Variants in NDUFS4 observed in about 807,000 individuals in gnomAD.
The protein encoded by NDUFS4 is NADH:ubiquinone oxidoreductase subunit S4, also known as NADH dehydrogenase [ubiquinone] iron-sulfur protein 4, mitochondrial.
In NDUFS4, 28 loss-of-function variants were observed where a neutral mutation model predicts 24.3. The observed-to-expected ratio is 1.15, with a 90% CI of 0.85 to 1.58. The LOEUF is 1.58. Ranked by LOEUF, NDUFS4 falls within the 40% of genes most tolerant of loss-of-function variation. The probability of loss-of-function intolerance (pLI) is 0.00; values close to 1 mark genes in which losing one functional copy is unlikely to be tolerated. For missense variants in NDUFS4, 223 were observed against 207.9 expected, an observed-to-expected ratio of 1.07 and a Z score of -0.45; for synonymous variants, 93 against 69.7, an observed-to-expected ratio of 1.34 and a Z score of -1.67.
At chr5:53,562,875 G>T (rs1444811855) in intron 1 of NDUFS4, among the ~76,000 whole-genome samples, 1 of 152,060 alleles carries the variant, frequency 6.6e-6, no homozygotes, top group Non-Finnish European at 1.5e-5. Context: ...TAACATTTCA[G>T]ATCATTTGAA....
In NDUFS4 at chr5:53,683,115, T is replaced by C; in HGVS notation, c.425-3T>C. On this transcript the variant is annotated splice_polypyrimidine_tract_variant and splice_region_variant and intron_variant, in intron 4 of 4. Coordinates refer to ENST00000296684, the MANE Select transcript of NDUFS4 (RefSeq NM_002495.4). ...TGGATTTGTCTTTGTTTTTTCCTCC[T>C]AGGATGGAGCTATGACATTGAAGAG... 6.3e-7 allele frequency: 1 copy of C among 1,581,342 alleles called. No homozygotes were observed. Among genetic ancestry groups the C allele is most frequent in the Non-Finnish European group, 8.7e-7 (1 of 1,150,554 alleles).
intron 2 of NDUFS4, among the ~76,000 whole-genome samples, chr5:53,629,506 G>T (rs913253118): frequency 6.6e-6 from 1 of 152,098 alleles, no homozygotes; most frequent in Non-Finnish European, 1.5e-5. Flanking sequence ...GTTATTGTGT[G>T]GGAGGCTAAG....
intron 2 of NDUFS4, chr5:53,604,867 C>G (rs1387517055): frequency 2.2e-6 from 1 of 456,300 alleles, no homozygotes; most frequent in South Asian, 1.5e-5. Flanking sequence ...AGGACTTCAT[C>G]CGGTCACCAT....
chr5:53,564,625 A>G (rs1256081719), intron 1 of NDUFS4, among the ~76,000 whole-genome samples: 1 of 151,996 alleles, frequency 6.6e-6, no homozygotes, highest in Non-Finnish European at 1.5e-5. Flanking sequence ...TGCAACCTCC[A>G]CCCTCTGGGC....
chr5:53,681,540 G>A (rs777867265), intron 4 of NDUFS4, among the ~76,000 whole-genome samples: 9 of 152,060 alleles, frequency 5.9e-5, no homozygotes, highest in Non-Finnish European at 1.3e-4. Context: ...GTTAATGTAC[G>A]TACTTTGTAA....
At chr5:53,580,291 G>A (rs2112426299) in intron 1 of NDUFS4, among the ~76,000 whole-genome samples, 1 of 152,286 alleles carries the variant, frequency 6.6e-6, no homozygotes. Flanking sequence ...AAAAATGCAA[G>A]TTAATACTCT....
chr5:53,561,463 T>A (rs1378649724), intron 1 of NDUFS4, among the ~76,000 whole-genome samples: 2 of 152,030 alleles, frequency 1.3e-5, no homozygotes, highest in East Asian at 3.9e-4. Flanking sequence ...CAGATTCAGT[T>A]GTCAGTTGAT....
chr5:53,644,776 A>G (rs1053308506), intron 2 of NDUFS4, among the ~76,000 whole-genome samples: 1 of 152,128 alleles, frequency 6.6e-6, no homozygotes, highest in Non-Finnish European at 1.5e-5. Flanking sequence ...GATAATTTTG[A>G]TAGTTTCTGT....
intron 1 of NDUFS4, among the ~76,000 whole-genome samples, chr5:53,581,204 T>G (rs1435555622): frequency 6.6e-6 from 1 of 152,162 alleles, no homozygotes; most frequent in Non-Finnish European, 1.5e-5. Flanking sequence ...CTGTGTATTA[T>G]TCTTCTCTCC....
rs538951212 is a variant in NDUFS4, at chr5:53,624,815, T to C, written c.177+21285T>C. On this transcript the variant is annotated intron_variant, in intron 2 of 4. Coordinates refer to ENST00000296684, the MANE Select transcript of NDUFS4 (RefSeq NM_002495.4). The stretch of plus-strand genomic sequence containing the variant: ...ACAAGTTTGGATGGCTTTTATTTCT[T>C]TTTCTTGTCCAATTGCTCTGGCTAG... 2.0e-4 allele frequency among the ~76,000 whole-genome samples: 30 copies of C among 152,180 alleles called. 1 individual carries two copies. The highest frequency in any genetic ancestry group is 1.2e-3 in the Admixed American group (19 of 15,274).
intron 4 of NDUFS4, among the ~76,000 whole-genome samples, chr5:53,664,763 G>A (rs905506486): frequency 6.6e-6 from 1 of 151,968 alleles, no homozygotes; most frequent in Admixed American, 6.6e-5. Flanking sequence ...TAACTTCTTT[G>A]CCATGGTTTC....
intron 2 of NDUFS4, among the ~76,000 whole-genome samples, chr5:53,635,072 C>A (rs1178106559): frequency 6.6e-6 from 1 of 151,756 alleles, no homozygotes; most frequent in Non-Finnish European, 1.5e-5. Flanking sequence ...CACCTGTAAT[C>A]CCAGCTACTT....
At position 53,664,382 on chromosome 5, in the gene NDUFS4, TGC is replaced by T. The variant is rs533905591; in HGVS notation, c.424+5759_424+5760del. Among the ~76,000 whole-genome samples the T allele has an allele frequency of 3.0e-3, 453 of 152,316 alleles. 1 individual carries two copies. Among genetic ancestry groups the T allele is most frequent in the African/African-American group, 0.011 (437 of 41,572 alleles). On this transcript the variant is annotated intron_variant, in intron 4 of 4. Coordinates refer to ENST00000296684, the MANE Select transcript of NDUFS4 (RefSeq NM_002495.4). The stretch of plus-strand genomic sequence containing the variant: ...CCTGCATTTGAATATTGGCCTGCTT[TGC>T]TAGATTGGGGAAGTTCTCCTGGATA...
chr5:53,617,883 C>T (rs1175282795), intron 2 of NDUFS4, among the ~76,000 whole-genome samples: 3 of 152,026 alleles, frequency 2.0e-5, no homozygotes, highest in Non-Finnish European at 2.9e-5. Context: ...AGCTGTATAA[C>T]CTGAAGCAAG....
chr5:53,658,281 GTTT>G (rs969622444), intron 3 of NDUFS4, among the ~76,000 whole-genome samples: 1 of 151,948 alleles, frequency 6.6e-6, no homozygotes, highest in Admixed American at 6.6e-5. Flanking sequence ...ATCTCAAATT[GTTT>G]TTTTAGAGTG....
chr5:53,578,774 T>C (rs1363030670), intron 1 of NDUFS4, among the ~76,000 whole-genome samples: 1 of 152,212 alleles, frequency 6.6e-6, no homozygotes, highest in Non-Finnish European at 1.5e-5. Flanking sequence ...CTTCTTTTCC[T>C]TTTTGCTTCT....
At position 53,683,127 on chromosome 5, in the gene NDUFS4, A is replaced by G. The variant is rs1561407577; in HGVS notation, c.434A>G (p.Tyr145Cys). The G allele has an allele frequency of 1.2e-6, 2 of 1,600,216 alleles. No homozygotes were observed. The highest frequency in any genetic ancestry group is 1.7e-6 in the Non-Finnish European group (2 of 1,167,674). The change falls in exon 5 of 5, where the codon TAT becomes TGT. Residue 145 changes from tyrosine (Y) to cysteine (C), a missense_variant. By Grantham distance (194) the Tyr-to-Cys change is radical. Coordinates refer to ENST00000296684, the MANE Select transcript of NDUFS4 (RefSeq NM_002495.4). ...TGTTTTTTCCTCCTAGGATGGAGCTATGACATTGAAGAGAGGAAGGTTCCA... is the reference window on the plus strand; with the variant it reads ...TGTTTTTTCCTCCTAGGATGGAGCTGTGACATTGAAGAGAGGAAGGTTCCA... ...VSFAEKNGWS[Y>C]DIEERKVPKP...
chr5:53,648,313 C>T (rs1046281717), intron 3 of NDUFS4, among the ~76,000 whole-genome samples: 2 of 152,110 alleles, frequency 1.3e-5, no homozygotes, highest in African/African-American at 4.8e-5. Flanking sequence ...AAGACCTGGC[C>T]TGGAAATTGT....
At chr5:53,668,616 ATTTTTTTT>A (rs951595795) in intron 4 of NDUFS4, among the ~76,000 whole-genome samples, 6 of 132,342 alleles carry the variant, frequency 4.5e-5, no homozygotes, top group Admixed American at 1.5e-4. Flanking sequence ...TGTCCAGCTA[ATTTTTTTT>A]TTTTTTTTTT....
Sources: allele counts gnomAD v4.1 joint callset (sites outside exome capture counted in the v4.1 genomes callset), GRCh38; gene constraint gnomAD v4.1.1; transcripts MANE v1.5; gene names NCBI Gene and HGNC (gene_info 2026-07-23, HGNC 2026-07-21).